Variants in MCHR2 observed in about 807,000 individuals in gnomAD.
MCHR2 encodes melanin-concentrating hormone receptor 2.
MCHR2 carries 15 observed loss-of-function variants against 24.8 expected under a neutral mutation model. The observed-to-expected ratio is 0.60, with a 90% CI of 0.40 to 0.93. The LOEUF is 0.93. MCHR2 is among the 40% of genes least tolerant of loss of function. The pLI is 0.00. For synonymous variants in MCHR2, 151 were observed against 147.6 expected (o/e 1.02, Z -0.17); for missense variants, 386 against 408.7 (o/e 0.94, Z 0.48).
At chr6:99,956,211 T>G in intron 1 of MCHR2, 37 bp from the exon 2 acceptor site, 1 of 1,351,478 alleles carries the variant, frequency 7.4e-7, no homozygotes, top group African/African-American at 1.5e-5. Flanking sequence ...TTAGTGAACA[T>G]TCCCTCAATA....
At chr6:99,932,658 C>A (rs1322077068) in intron 5 of MCHR2, among the ~76,000 whole-genome samples, 1 of 152,054 alleles carries the variant, frequency 6.6e-6, no homozygotes, top group East Asian at 1.9e-4. Flanking sequence ...AATCATGATA[C>A]AATATCAGGC....
intron 2 of MCHR2, among the ~76,000 whole-genome samples, chr6:99,950,408 T>A (rs1774944824): frequency 6.6e-6 from 1 of 152,152 alleles, no homozygotes; most frequent in African/African-American, 2.4e-5. Context: ...TTTCTTACGA[T>A]GTAAACATTT....
chr6:99,922,575 A>T (rs555671132), intron 5 of MCHR2, among the ~76,000 whole-genome samples: 4 of 152,298 alleles, frequency 2.6e-5, no homozygotes, highest in African/African-American at 9.6e-5. Flanking sequence ...ATATAATGAG[A>T]AATGGGGCTC....
At chr6:99,938,134 C>G (rs1774701025) in intron 4 of MCHR2, among the ~76,000 whole-genome samples, 1 of 151,582 alleles carries the variant, frequency 6.6e-6, no homozygotes, top group South Asian at 2.1e-4. Flanking sequence ...TTTTGTTTAT[C>G]TTTTTGAAAA....
Position 99,919,140 on chromosome 6 carries a change from G to A in MCHR2, c.*1800C>T, listed in dbSNP as rs533785069. On this transcript the variant is annotated 3_prime_UTR_variant, in exon 6 of 6. Coordinates refer to ENST00000281806, the MANE Select transcript of MCHR2 (RefSeq NM_001040179.2). ...TGTGGCCATGACACAGCTTCTTATT[G>A]ACGTTTTATAGGAGCATCCAGCTGC... Among the ~76,000 whole-genome samples, 8 of 152,212 alleles carry A rather than the reference G, an allele frequency of 5.3e-5. No individual in the cohort carries two copies. The highest frequency in any genetic ancestry group is 1.3e-4 in the Admixed American group (2 of 15,286).
At chr6:99,942,878 C>A (rs748389520) in intron 4 of MCHR2, 71 bp downstream of exon 4, 317 of 1,335,358 alleles carry the variant, frequency 2.4e-4, no homozygotes, top group Non-Finnish European at 3.1e-4. Flanking sequence ...AGGCTGCTCA[C>A]ATGTTGACAA....
At chr6:99,983,066 T>C (rs573466469) in intron 1 of MCHR2, among the ~76,000 whole-genome samples, 1 of 152,232 alleles carries the variant, frequency 6.6e-6, no homozygotes, top group South Asian at 2.1e-4. Context: ...GCTCAAGTAA[T>C]CCTCTCACCT....
At chr6:99,989,230 C>T (rs977888051) in intron 1 of MCHR2, among the ~76,000 whole-genome samples, 5 of 151,976 alleles carry the variant, frequency 3.3e-5, no homozygotes, top group African/African-American at 1.2e-4. Context: ...CTAGCCTGGG[C>T]GACAGAGCAT....
At chr6:99,936,900 T>C (rs1433495495) in intron 4 of MCHR2, among the ~76,000 whole-genome samples, 1 of 151,942 alleles carries the variant, frequency 6.6e-6, no homozygotes, top group African/African-American at 2.4e-5. Context: ...CAGAGTTTTA[T>C]AGTTTTCCTT....
At chr6:99,933,053 A>G (rs1315390183) in intron 5 of MCHR2, among the ~76,000 whole-genome samples, 1 of 152,060 alleles carries the variant, frequency 6.6e-6, no homozygotes, top group Non-Finnish European at 1.5e-5. Context: ...TTATTTTAAA[A>G]TAAAACATAT....
At chr6:99,976,270 C>T (rs969305314) in intron 1 of MCHR2, among the ~76,000 whole-genome samples, 15 of 152,296 alleles carry the variant, frequency 9.8e-5, no homozygotes, top group Admixed American at 5.9e-4. Context: ...GATGATATAA[C>T]ATCCATTTCT....
intron 5 of MCHR2, 108 bp from the exon 6 acceptor site, chr6:99,921,363 A>G: frequency 1.1e-6 from 1 of 909,574 alleles, no homozygotes; most frequent in South Asian, 1.7e-5. Context: ...GTAGTGAAAT[A>G]TGAAGCTCAT....
intron 1 of MCHR2, among the ~76,000 whole-genome samples, chr6:99,971,938 T>C (rs938798236): frequency 1.3e-5 from 2 of 152,252 alleles, no homozygotes; most frequent in African/African-American, 4.8e-5. Flanking sequence ...ATAAGCTTTT[T>C]GATGTGCTGC....
At chr6:99,977,508 T>A (rs999649667) in intron 1 of MCHR2, among the ~76,000 whole-genome samples, 1 of 152,230 alleles carries the variant, frequency 6.6e-6, no homozygotes, top group Non-Finnish European at 1.5e-5. Context: ...TCATGGGCTC[T>A]AGACACTTTT....
chr6:99,954,425 C>T (rs1230877958), intron 2 of MCHR2, among the ~76,000 whole-genome samples: 1 of 152,030 alleles, frequency 6.6e-6, no homozygotes, highest in Non-Finnish European at 1.5e-5. Context: ...AAATCTGAAA[C>T]TTTTTGAGGA....
chr6:99,958,661 A>G (rs1775117050), intron 1 of MCHR2, among the ~76,000 whole-genome samples: 1 of 152,174 alleles, frequency 6.6e-6, no homozygotes, highest in East Asian at 1.9e-4. Context: ...TTTGTGAGAA[A>G]TCCAGAAACC....
chr6:99,938,265 A>G (rs1214762578), intron 4 of MCHR2, among the ~76,000 whole-genome samples: 2 of 151,696 alleles, frequency 1.3e-5, no homozygotes, highest in Non-Finnish European at 3.0e-5. Flanking sequence ...TTGCCTTTCT[A>G]ATTCTTTGAG....
intron 1 of MCHR2, among the ~76,000 whole-genome samples, chr6:99,966,950 A>C (rs957979673): frequency 6.6e-6 from 1 of 152,138 alleles, no homozygotes; most frequent in Non-Finnish European, 1.5e-5. Context: ...GCCCCCTTGC[A>C]CTGTCTCTCC....
chr6:99,958,084 C>A (rs1775101477), intron 1 of MCHR2, among the ~76,000 whole-genome samples: 1 of 150,988 alleles, frequency 6.6e-6, no homozygotes, highest in Non-Finnish European at 1.5e-5. Context: ...GATACTAAGA[C>A]AAATTATAAA....
Sources: gnomAD v4.1 joint callset for allele counts (sites outside exome capture counted in the v4.1 genomes callset) on GRCh38, gnomAD v4.1.1 for gene constraint, MANE v1.5 for transcripts, NCBI Gene and HGNC (gene_info 2026-07-23, HGNC 2026-07-21) for gene names.